The following RNF152 variants were observed in gnomAD, a reference collection of about 807,000 sequenced individuals.
RNF152 encodes the protein ring finger protein 152, also known as E3 ubiquitin-protein ligase RNF152.
A neutral mutation model predicts 12.7 loss-of-function variants in RNF152; 11 were observed. The observed-to-expected ratio is 0.86, with a 90% confidence interval of 0.54 to 1.43. The LOEUF (loss-of-function observed/expected upper bound fraction) is 1.43, where lower values mean the gene tolerates loss of function less well. Ranked by LOEUF, RNF152 falls within the 40% of genes most tolerant of loss-of-function variation. The pLI, the probability that RNF152 is intolerant of heterozygous loss-of-function variation, is 0.00. For synonymous variants in RNF152, 113 were observed against 120.3 expected (o/e 0.94, Z 0.40); for missense variants, 255 against 274.8 (o/e 0.93, Z 0.51).
At chr18:61,842,785 G>C (rs1283806192) in intron 1 of RNF152, among the ~76,000 whole-genome samples, 2 of 152,226 alleles carry the variant, frequency 1.3e-5, no homozygotes, top group African/African-American at 4.8e-5. Context: ...TAGGCAAAGG[G>C]AGAGCTGGTG....
chr18:61,849,481 C>T (rs1407062369), intron 1 of RNF152, among the ~76,000 whole-genome samples: 1 of 152,174 alleles, frequency 6.6e-6, no homozygotes, highest in Non-Finnish European at 1.5e-5. Context: ...CACCTCTTTC[C>T]CCCAACAGCC....
intron 1 of RNF152, among the ~76,000 whole-genome samples, chr18:61,816,862 T>C (rs1396588196): frequency 6.6e-6 from 1 of 152,212 alleles, no homozygotes; most frequent in East Asian, 1.9e-4. Context: ...GCATCTGTAT[T>C]TCATAAAGAG....
intron 1 of RNF152, among the ~76,000 whole-genome samples, chr18:61,839,039 A>G (rs1335999923): frequency 6.8e-6 from 1 of 146,838 alleles, no homozygotes; most frequent in Non-Finnish European, 1.5e-5. Flanking sequence ...TGTTCATCAG[A>G]TCCCACTCTG....
intron 1 of RNF152, among the ~76,000 whole-genome samples, chr18:61,854,467 A>G (rs990985886): frequency 1.3e-5 from 2 of 152,342 alleles, no homozygotes; most frequent in Non-Finnish European, 2.9e-5. Flanking sequence ...TCCATGTTCA[A>G]CACAATCTAT....
intron 1 of RNF152, among the ~76,000 whole-genome samples, chr18:61,873,527 G>C: frequency 6.6e-6 from 1 of 152,064 alleles, no homozygotes. Context: ...TAGAGATAGG[G>C]TTTCACCATG....
rs117712351 is a variant in RNF152 at position 61,836,331 on chromosome 18, G to C, written c.-135-19733C>G. 4.7e-3 allele frequency among the ~76,000 whole-genome samples: 710 copies of C among 152,170 alleles called. 6 individuals carry two copies. Among genetic ancestry groups the C allele is most frequent in the Non-Finnish European group, 8.7e-3 (595 of 68,010 alleles). ...AATATTGAAAAAAAAAAGTGCTATA[G>C]GCCGAATGTCTGTGTCCCCCCAAAA... On this transcript the variant is annotated intron_variant, in intron 1 of 1. Coordinates refer to ENST00000312828, the MANE Select transcript of RNF152 (RefSeq NM_173557.3).
intron 1 of RNF152, among the ~76,000 whole-genome samples, chr18:61,844,940 G>C (rs1001739573): frequency 8.6e-5 from 13 of 152,032 alleles, no homozygotes; most frequent in Non-Finnish European, 1.6e-4. Flanking sequence ...AACTAACAAA[G>C]AGCCTATTTC....
At chr18:61,876,662 T>C (rs143668813) in intron 1 of RNF152, among the ~76,000 whole-genome samples, 30 of 152,316 alleles carry the variant, frequency 2.0e-4, no homozygotes, top group African/African-American at 7.0e-4. Flanking sequence ...TTTTACTTGC[T>C]TTGTGACCTC....
At chr18:61,854,291 T>C (rs996952720) in intron 1 of RNF152, among the ~76,000 whole-genome samples, 3 of 152,196 alleles carry the variant, frequency 2.0e-5, no homozygotes, top group African/African-American at 7.2e-5. Context: ...GAATTCATTA[T>C]ACAGACTACA....
chr18:61,832,170 C>A (rs1365545609), intron 1 of RNF152, among the ~76,000 whole-genome samples: 1 of 152,016 alleles, frequency 6.6e-6, no homozygotes, highest in African/African-American at 2.4e-5. Flanking sequence ...CGATAATAAT[C>A]AACACTTAAT....
chr18:61,843,253 T>C (rs969875036), intron 1 of RNF152, among the ~76,000 whole-genome samples: 1 of 152,182 alleles, frequency 6.6e-6, no homozygotes, highest in Non-Finnish European at 1.5e-5. Flanking sequence ...TAGAAATGAC[T>C]ATGGTCAATG....
intron 1 of RNF152, among the ~76,000 whole-genome samples, chr18:61,882,428 T>C (rs1008110036): frequency 6.6e-6 from 1 of 152,250 alleles, no homozygotes; most frequent in Non-Finnish European, 1.5e-5. Context: ...GAACACAGTA[T>C]CTTGGTGTGC....
chr18:61,848,369 T>C (rs915413649), intron 1 of RNF152, among the ~76,000 whole-genome samples: 3 of 152,214 alleles, frequency 2.0e-5, no homozygotes, highest in Non-Finnish European at 2.9e-5. Flanking sequence ...TTTTGAATGA[T>C]TCCATAGCCT....
chr18:61,819,457 G>T (rs1428165872), intron 1 of RNF152, among the ~76,000 whole-genome samples: 1 of 152,208 alleles, frequency 6.6e-6, no homozygotes, highest in Non-Finnish European at 1.5e-5. Context: ...ATTACATTAG[G>T]CAAGAGTTAA....
intron 1 of RNF152, among the ~76,000 whole-genome samples, chr18:61,827,294 T>C (rs963761503): frequency 6.6e-6 from 1 of 152,170 alleles, no homozygotes; most frequent in African/African-American, 2.4e-5. Flanking sequence ...AGAAGGAACA[T>C]TGAATAAATT....
At chr18:61,837,124 T>C (rs1910224418) in intron 1 of RNF152, among the ~76,000 whole-genome samples, 1 of 152,204 alleles carries the variant, frequency 6.6e-6, no homozygotes, top group African/African-American at 2.4e-5. Context: ...CACGCCTAAA[T>C]GTTCGTCTTG....
chr18:61,854,828 A>G (rs985034902), intron 1 of RNF152, among the ~76,000 whole-genome samples: 1 of 152,210 alleles, frequency 6.6e-6, no homozygotes, highest in East Asian at 1.9e-4. Context: ...TATTTCGCCT[A>G]TGTCTGTGTT....
intron 1 of RNF152, among the ~76,000 whole-genome samples, chr18:61,882,594 T>C (rs1231875556): frequency 6.6e-6 from 1 of 152,216 alleles, no homozygotes; most frequent in Non-Finnish European, 1.5e-5. Context: ...GGGTTTTCAT[T>C]TGAGGCATCA....
chr18:61,825,109 A>G (rs1909596479), intron 1 of RNF152, among the ~76,000 whole-genome samples: 1 of 152,236 alleles, frequency 6.6e-6, no homozygotes, highest in African/African-American at 2.4e-5. Context: ...AACAGCTACA[A>G]AGAACATAGC....
Sources: allele counts gnomAD v4.1 joint callset (sites outside exome capture counted in the v4.1 genomes callset), GRCh38; gene constraint gnomAD v4.1.1; transcripts MANE v1.5; gene names NCBI Gene and HGNC (gene_info 2026-07-23, HGNC 2026-07-21).